The following KCNN2 variants were observed in gnomAD, a reference collection of about 807,000 sequenced individuals.
KCNN2 encodes the protein small conductance calcium-activated potassium channel protein 2.
Under a neutral mutation model 55.5 loss-of-function variants are expected in KCNN2, and 24 were observed. The observed-to-expected ratio is 0.43, with a 90% CI of 0.31 to 0.61. The LOEUF is 0.61. Among genes scored for constraint, KCNN2 ranks in the 20% least tolerant of loss-of-function variants. KCNN2 has a pLI of 0.08. For synonymous variants in KCNN2, 431 were observed against 336.1 expected (o/e 1.28, Z -3.09); for missense variants, 754 against 853.6 (o/e 0.88, Z 1.45).
chr5:114,197,727 A>G (rs527490406), intron 1 of KCNN2, among the ~76,000 whole-genome samples: 1 of 152,134 alleles, frequency 6.6e-6, no homozygotes, highest in Non-Finnish European at 1.5e-5. Flanking sequence ...TGCTCCTCCT[A>G]GGATGAAACC....
intron 2 of KCNN2, among the ~76,000 whole-genome samples, chr5:114,271,743 T>A (rs962431498): frequency 6.6e-6 from 1 of 152,188 alleles, no homozygotes; most frequent in African/African-American, 2.4e-5. Flanking sequence ...TAACATTTTT[T>A]AAAATTTTAT....
At chr5:114,489,373 G>GCCCT (rs1223133575) in intron 6 of KCNN2, among the ~76,000 whole-genome samples, 1 of 152,108 alleles carries the variant, frequency 6.6e-6, no homozygotes, top group Non-Finnish European at 1.5e-5. Flanking sequence ...AGGCATGTCG[G>GCCCT]CCCTTTCTTA....
chr5:114,189,901 C>T (rs1324317053), intron 1 of KCNN2, among the ~76,000 whole-genome samples: 2 of 151,952 alleles, frequency 1.3e-5, no homozygotes, highest in Non-Finnish European at 2.9e-5. Context: ...CAGTGTTTTA[C>T]CTCATAGCAC....
intron 1 of KCNN2, among the ~76,000 whole-genome samples, chr5:114,110,377 T>A (rs1204109360): frequency 6.6e-6 from 1 of 152,038 alleles, no homozygotes; most frequent in African/African-American, 2.4e-5. Context: ...AGGTACCAGG[T>A]GAAGACCAGC....
intron 3 of KCNN2, among the ~76,000 whole-genome samples, chr5:114,437,065 G>A (rs1339659068): frequency 6.6e-6 from 1 of 151,964 alleles, no homozygotes; most frequent in Non-Finnish European, 1.5e-5. Context: ...TTGTGTGTGT[G>A]TATGCGTGCA....
At chr5:114,297,097 T>C (rs1474776201) in intron 2 of KCNN2, among the ~76,000 whole-genome samples, 2 of 152,206 alleles carry the variant, frequency 1.3e-5, no homozygotes, top group African/African-American at 2.4e-5. Flanking sequence ...TTCAATATAA[T>C]GTATTAAATA....
Position 114,493,411 on chromosome 5 carries a change from G to T in KCNN2, c.2027G>T (p.Ser676Ile). 2 of 1,592,554 alleles carry T rather than the reference G, an allele frequency of 1.3e-6. No individual in the cohort carries two copies. Among genetic ancestry groups the T allele is most frequent in the Non-Finnish European group, 1.7e-6 (2 of 1,160,332 alleles). The change falls in exon 7 of 8, where the codon AGT (serine) becomes ATT (isoleucine). Residue 676 changes from serine (S) to isoleucine (I), a missense_variant. Physicochemically the swap from Ser to Ile is moderately radical, Grantham distance 142. Coordinates refer to ENST00000673685, the MANE Select transcript of KCNN2 (RefSeq NM_021614.4). ...CAGATTCTATCTTTTAGATTAAGAA[G>T]TGTAAAAATGGAGCAGAGGAAACTG... is the stretch of plus-strand genomic sequence containing the variant. ...KFLQAIHQLR[S>I]VKMEQRKLND...
intron 2 of KCNN2, among the ~76,000 whole-genome samples, chr5:114,395,761 G>A (rs1232238165): frequency 6.6e-6 from 1 of 152,118 alleles, no homozygotes; most frequent in Non-Finnish European, 1.5e-5. Context: ...ACGGCACCTA[G>A]CCTTGTCTCC....
rs1239403175 is a variant in KCNN2, at chr5:114,472,007, A to G, written c.1780-1047A>G. Among the ~76,000 whole-genome samples, 2 of 152,040 alleles carry G rather than the reference A, an allele frequency of 1.3e-5. 1 individual carries two copies. The highest frequency in any genetic ancestry group is 4.8e-5 in the African/African-American group (2 of 41,418). On this transcript the variant is annotated intron_variant, in intron 4 of 7. Transcript: ENST00000673685. ...GGACTCTGCCTGTGCCCTGCCATTTACATTGTTATCTGTTTGTTGAGACTA... is the reference window on the plus strand; with the variant it reads ...GGACTCTGCCTGTGCCCTGCCATTTGCATTGTTATCTGTTTGTTGAGACTA...
chr5:114,206,904 G>A (rs1169518410), intron 1 of KCNN2, among the ~76,000 whole-genome samples: 5 of 152,060 alleles, frequency 3.3e-5, no homozygotes, highest in Non-Finnish European at 5.9e-5. Context: ...CAAGCTAATC[G>A]ATTGACTAGC....
chr5:114,490,840 G>A, intron 6 of KCNN2: 1 of 396,938 alleles, frequency 2.5e-6, no homozygotes, highest in Non-Finnish European at 4.4e-6. Context: ...ATTTTCCTGT[G>A]ATAAGTGAAG....
intron 1 of KCNN2, among the ~76,000 whole-genome samples, chr5:114,104,821 A>G (rs1751447224): frequency 6.6e-6 from 1 of 151,732 alleles, no homozygotes; most frequent in Non-Finnish European, 1.5e-5. Flanking sequence ...TCGGGGGAGG[A>G]AAGGAGGGGA....
chr5:114,448,898 A>AT (rs1365755529), intron 3 of KCNN2, among the ~76,000 whole-genome samples: 3 of 152,208 alleles, frequency 2.0e-5, no homozygotes, highest in Non-Finnish European at 4.4e-5. Context: ...TCAGTGGCGC[A>AT]TATTTTTTTC....
At chr5:114,195,496 A>G (rs185585179) in intron 1 of KCNN2, among the ~76,000 whole-genome samples, 17 of 152,162 alleles carry the variant, frequency 1.1e-4, no homozygotes, top group African/African-American at 3.8e-4. Flanking sequence ...TTGCTAGTGT[A>G]TAGAAATTCA....
chr5:114,363,095 C>T lies in KCNN2; in HGVS notation c.956C>T (p.Thr319Ile), dbSNP rs769737882. 6.2e-7 allele frequency: 1 copy of T among 1,612,458 alleles called. No individual in the cohort carries two copies. Among genetic ancestry groups the T allele is most frequent in the Non-Finnish European group, 8.5e-7 (1 of 1,179,900 alleles). ...AGCGGGCACGGCAGCAGCAGTGGCA[C>T]CAAGTCCAGCAAAAAGAAAAACCAG... ...GGSGHGSSSGTKSSKKKNQNI... is the reference protein window; with the variant it reads ...GGSGHGSSSGIKSSKKKNQNI... The change falls in exon 1 of 8, where the codon ACC becomes ATC. Residue 319 changes from threonine (T) to isoleucine (I), a missense_variant. By Grantham distance (89) the Thr-to-Ile change is moderately conservative (BLOSUM62 -1). Around this residue, in one of 4 missense-constraint regions of KCNN2, gnomAD observed 381 missense variants for 259.1 expected, o/e 1.47. Transcript: ENST00000673685.
At chr5:114,348,097 A>G (rs755840490) in intron 2 of KCNN2, among the ~76,000 whole-genome samples, 10 of 152,132 alleles carry the variant, frequency 6.6e-5, no homozygotes, top group Non-Finnish European at 1.2e-4. Context: ...CTGCATGTTG[A>G]GTGCACTTTT....
At chr5:114,257,466 T>C (rs964876837) in intron 2 of KCNN2, among the ~76,000 whole-genome samples, 6 of 152,112 alleles carry the variant, frequency 3.9e-5, no homozygotes, top group African/African-American at 1.4e-4. Flanking sequence ...TCTAAATATA[T>C]TTATTATTCT....
intron 6 of KCNN2, among the ~76,000 whole-genome samples, chr5:114,490,179 T>A (rs1747779782): frequency 6.6e-6 from 1 of 152,210 alleles, no homozygotes; most frequent in Non-Finnish European, 1.5e-5. Context: ...TGGACCAACA[T>A]GAATTTGTTT....
intron 2 of KCNN2, among the ~76,000 whole-genome samples, chr5:114,389,735 C>A (rs1049123696): frequency 6.6e-6 from 1 of 152,148 alleles, no homozygotes; most frequent in African/African-American, 2.4e-5. Flanking sequence ...TTTCTGTTAC[C>A]ATGGGGCATT....
Sources: allele counts gnomAD v4.1 joint callset (sites outside exome capture counted in the v4.1 genomes callset), GRCh38; gene constraint gnomAD v4.1.1; regional missense constraint gnomAD v4.1.1; transcripts MANE v1.5; gene names NCBI Gene and HGNC (gene_info 2026-07-23, HGNC 2026-07-21).